Variants in RGS6 observed in about 807,000 individuals in gnomAD.
RGS6 encodes the protein regulator of G protein signaling 6.
Under a neutral mutation model 78.5 loss-of-function variants are expected in RGS6, and 30 were observed. The ratio of observed to expected loss-of-function variants is 0.38; its 90% CI spans 0.29 to 0.52. RGS6 has a LOEUF of 0.52. Among genes scored for constraint, RGS6 ranks in the 20% least tolerant of loss-of-function variants. The pLI is 0.85. For missense variants in RGS6, 495 were observed against 609.7 expected, an observed-to-expected ratio of 0.81 and a Z score of 1.98; for synonymous variants, 206 against 206.0, an observed-to-expected ratio of 1.00 and a Z score of 0.00.
intron 2 of RGS6, among the ~76,000 whole-genome samples, chr14:72,064,856 A>G (rs2094064568): frequency 6.6e-6 from 1 of 152,246 alleles, no homozygotes; most frequent in Non-Finnish European, 1.5e-5. Flanking sequence ...TTAAAAAAAC[A>G]ACTTTGAAAA....
chr14:72,299,746 T>C (rs116492604), intron 2 of RGS6, among the ~76,000 whole-genome samples: 1 of 152,356 alleles, frequency 6.6e-6, no homozygotes, highest in East Asian at 1.9e-4. Flanking sequence ...GTTGAGCATC[T>C]TCCCATGTGC....
intron 3 of RGS6, among the ~76,000 whole-genome samples, chr14:72,394,990 G>A (rs572051842): frequency 1.6e-4 from 25 of 151,534 alleles, no homozygotes; most frequent in African/African-American, 4.9e-4. Context: ...GGCTTCAACC[G>A]GTCCCTCCGT....
At chr14:72,209,546 C>A (rs1489057759) in intron 2 of RGS6, among the ~76,000 whole-genome samples, 1 of 152,140 alleles carries the variant, frequency 6.6e-6, no homozygotes, top group Non-Finnish European at 1.5e-5. Context: ...GGGGATGTGA[C>A]ACAGTTGTCT....
intron 15 of RGS6, among the ~76,000 whole-genome samples, chr14:72,524,968 A>G (rs898410754): frequency 6.6e-6 from 1 of 152,180 alleles, no homozygotes; most frequent in African/African-American, 2.4e-5. Flanking sequence ...GGTACCTGCT[A>G]AGATGCCCCA....
Position 71,944,450 on chromosome 14 carries a change from T to C in RGS6, c.-21+11509T>C, listed in dbSNP as rs112467907. Among the ~76,000 whole-genome samples, 1,378 of 152,284 alleles carry C rather than the reference T, an allele frequency of 9.0e-3. 19 individuals are homozygous for C. Among genetic ancestry groups the C allele is most frequent in the African/African-American group, 0.032 (1,314 of 41,562 alleles). Reference sequence around the variant, plus strand: ...GTTTTATATAGCACAAGGTGGGGAATAAACAGAGACCCTACCCTTGAGATC... The same window carrying C: ...GTTTTATATAGCACAAGGTGGGGAACAAACAGAGACCCTACCCTTGAGATC... On this transcript the variant is annotated intron_variant, in intron 1 of 17. Coordinates refer to ENST00000553525, the MANE Select transcript of RGS6 (RefSeq NM_001204424.2).
intron 2 of RGS6, among the ~76,000 whole-genome samples, chr14:72,217,563 A>G (rs1047065743): frequency 6.6e-6 from 1 of 152,196 alleles, no homozygotes; most frequent in Non-Finnish European, 1.5e-5. Context: ...TTTAAAAAAA[A>G]GTAACACAAT....
intron 2 of RGS6, among the ~76,000 whole-genome samples, chr14:72,236,460 T>G (rs1466989498): frequency 6.6e-6 from 1 of 152,146 alleles, no homozygotes; most frequent in Non-Finnish European, 1.5e-5. Flanking sequence ...ATTCATTGAG[T>G]TTTGACAAAT....
intron 2 of RGS6, among the ~76,000 whole-genome samples, chr14:72,000,308 G>A (rs1340523349): frequency 6.6e-6 from 1 of 152,130 alleles, no homozygotes; most frequent in African/African-American, 2.4e-5. Context: ...AAATGTAGGT[G>A]GAATAGAAGG....
intron 2 of RGS6, among the ~76,000 whole-genome samples, chr14:72,020,523 A>G (rs189633846): frequency 1.8e-4 from 28 of 151,848 alleles, no homozygotes; most frequent in Admixed American, 5.3e-4. Context: ...GCCCGAAAGG[A>G]GGCCACTGTT....
chr14:72,579,468 A>G, the RGS6 span, among the ~76,000 whole-genome samples: 2 of 152,230 alleles, frequency 1.3e-5, no homozygotes, highest in Admixed American at 1.3e-4. Context: ...TCAAGGGGCT[A>G]TGGAAGAACA....
chr14:72,310,860 T>A (rs960080814), intron 2 of RGS6, among the ~76,000 whole-genome samples: 1 of 152,174 alleles, frequency 6.6e-6, no homozygotes, highest in African/African-American at 2.4e-5. Flanking sequence ...CCCACAATAG[T>A]CAGAAATCGT....
chr14:72,575,190 G>A, the RGS6 span, among the ~76,000 whole-genome samples: 2 of 152,254 alleles, frequency 1.3e-5, no homozygotes, highest in South Asian at 4.2e-4. Flanking sequence ...TGTTTCAGAG[G>A]TAGAGCAATT....
chr14:72,327,351 A>T (rs2074031289), intron 2 of RGS6, among the ~76,000 whole-genome samples: 1 of 152,006 alleles, frequency 6.6e-6, no homozygotes, highest in African/African-American at 2.4e-5. Flanking sequence ...TGAGATAATC[A>T]TGGGAAAGTA....
At chr14:72,221,323 A>G (rs1273247833) in intron 2 of RGS6, among the ~76,000 whole-genome samples, 10 of 152,216 alleles carry the variant, frequency 6.6e-5, no homozygotes, top group Non-Finnish European at 1.2e-4. Flanking sequence ...CAATGGCTCT[A>G]GTAGAATACT....
chr14:72,555,115 G>A (rs867185574), intron 17 of RGS6, among the ~76,000 whole-genome samples: 1 of 152,182 alleles, frequency 6.6e-6, no homozygotes, highest in Non-Finnish European at 1.5e-5. Flanking sequence ...GATTTAAAGT[G>A]GGGTTGGTTT....
chr14:72,399,254 CTTG>C (rs1482391970), intron 3 of RGS6, among the ~76,000 whole-genome samples: 1 of 152,032 alleles, frequency 6.6e-6, no homozygotes, highest in Non-Finnish European at 1.5e-5. Flanking sequence ...GTTAGTTCTT[CTTG>C]TTGTATTGAT....
intron 2 of RGS6, among the ~76,000 whole-genome samples, chr14:72,155,450 G>C (rs1355565352): frequency 6.6e-6 from 1 of 152,118 alleles, no homozygotes; most frequent in Non-Finnish European, 1.5e-5. Flanking sequence ...ATGACTTCCA[G>C]AACTAACCAC....
the RGS6 span, among the ~76,000 whole-genome samples, chr14:71,872,464 C>T: frequency 2.6e-5 from 4 of 152,154 alleles, no homozygotes; most frequent in African/African-American, 7.2e-5. Context: ...GAGGTGCTCA[C>T]TAGCTGCTAT....
intron 1 of RGS6, among the ~76,000 whole-genome samples, chr14:71,954,779 A>T (rs2092658318): frequency 6.6e-6 from 1 of 152,178 alleles, no homozygotes; most frequent in African/African-American, 2.4e-5. Flanking sequence ...GTTTTAAAAA[A>T]ATGTTTCCTT....
Sources: gnomAD v4.1 joint callset for allele counts (sites outside exome capture counted in the v4.1 genomes callset) on GRCh38, gnomAD v4.1.1 for gene constraint, MANE v1.5 for transcripts, NCBI Gene and HGNC (gene_info 2026-07-23, HGNC 2026-07-21) for gene names.